SLC6A6: variants seen among roughly 807,000 people sequenced by gnomAD.
The protein encoded by SLC6A6 is sodium- and chloride-dependent taurine transporter.
SLC6A6 carries 16 observed loss-of-function variants against 68.8 expected under a neutral mutation model. The observed-to-expected ratio is 0.23, with a 90% CI of 0.16 to 0.35. The LOEUF (loss-of-function observed/expected upper bound fraction) is 0.35. Among genes scored for constraint, SLC6A6 ranks in the 10% least tolerant of loss-of-function variants. SLC6A6 has a pLI of 1.00. For missense variants in SLC6A6, 474 were observed against 802.8 expected, an observed-to-expected ratio of 0.59 and a Z score of 4.95; for synonymous variants, 312 against 315.4, an observed-to-expected ratio of 0.99 and a Z score of 0.12.
chr3:14,457,952 G>T lies in SLC6A6; in HGVS notation c.602G>T (p.Arg201Leu). 2 of 1,614,022 alleles carry T rather than the reference G, an allele frequency of 1.2e-6. No homozygotes were observed. The highest frequency in any genetic ancestry group is 1.7e-6 in the Non-Finnish European group (2 of 1,179,950). Residue 201 changes from arginine to leucine, a missense_variant and splice_region_variant, in exon 6 of 15, where the codon CGC becomes CTC. Around this residue, in one of 2 missense-constraint regions of SLC6A6, gnomAD observed 280 missense variants for 533.1 expected, o/e 0.53. Coordinates refer to ENST00000622186, the MANE Select transcript of SLC6A6 (RefSeq NM_003043.6). ...CCTGGCTCTGTGTTTGCTTCAAGGC[G>T]CAACGTGCTGAGCTTGTCCCCTGGA... ...FTSPVIEFWE[R>L]NVLSLSPGID...
At chr3:14,406,465 G>C (rs4684216) in intron 1 of SLC6A6, among the ~76,000 whole-genome samples, 127,813 of 152,088 alleles carry the variant, frequency 0.84, 54,681 homozygotes, top group South Asian at 0.91. Flanking sequence ...TCCAGGAGAC[G>C]GAGAGTCACC....
At chr3:14,454,167 A>G (rs549235020) in intron 5 of SLC6A6, among the ~76,000 whole-genome samples, 9 of 152,284 alleles carry the variant, frequency 5.9e-5, no homozygotes, top group Non-Finnish European at 1.3e-4. Context: ...GTGGCCTGAC[A>G]TAGGTATTGA....
At chr3:14,438,555 C>T (rs1028975994) in intron 2 of SLC6A6, among the ~76,000 whole-genome samples, 1 of 152,188 alleles carries the variant, frequency 6.6e-6, no homozygotes, top group Non-Finnish European at 1.5e-5. Context: ...TTTTCCCCAC[C>T]TGTAGAATGG....
intron 2 of SLC6A6, among the ~76,000 whole-genome samples, chr3:14,429,390 G>A (rs377286667): frequency 1.3e-4 from 20 of 152,320 alleles, no homozygotes; most frequent in Admixed American, 2.6e-4. Context: ...TCTCAAGTCC[G>A]GGATAAATGG....
At chr3:14,437,658 A>C (rs570181701) in intron 2 of SLC6A6, among the ~76,000 whole-genome samples, 9 of 152,218 alleles carry the variant, frequency 5.9e-5, no homozygotes, top group Admixed American at 5.2e-4. Flanking sequence ...TCAAGTATAC[A>C]ATATGTTATT....
intron 2 of SLC6A6, among the ~76,000 whole-genome samples, chr3:14,441,736 G>A (rs1699993648): frequency 6.6e-6 from 1 of 152,232 alleles, no homozygotes; most frequent in South Asian, 2.1e-4. Flanking sequence ...GCCTCACCCT[G>A]CCTGCAAGGC....
intron 1 of SLC6A6, among the ~76,000 whole-genome samples, chr3:14,410,153 T>C (rs974755284): frequency 1.5e-5 from 2 of 132,386 alleles, no homozygotes; most frequent in Admixed American, 1.8e-4. Flanking sequence ...CTCCATCCTA[T>C]GCGACAGAGT....
At chr3:14,404,168 T>C (rs985633105) in intron 1 of SLC6A6, among the ~76,000 whole-genome samples, 1 of 152,258 alleles carries the variant, frequency 6.6e-6, no homozygotes, top group African/African-American at 2.4e-5. Flanking sequence ...AGGAGATCTT[T>C]TTAAAATTTC....
rs115560562 is a variant in SLC6A6 at position 14,416,687 on chromosome 3, C to T, written c.-12+234C>T. Among the ~76,000 whole-genome samples, 483 of 152,354 alleles carry T rather than the reference C, an allele frequency of 3.2e-3. 3 individuals are homozygous for T. The highest frequency in any genetic ancestry group is 0.011 in the African/African-American group (459 of 41,584). ...CAGTCTGTGCCAGAGGGCACAGGGACGCCCTGCAAATGGGCCAAGCACTGG... is the reference window on the plus strand; with the variant it reads ...CAGTCTGTGCCAGAGGGCACAGGGATGCCCTGCAAATGGGCCAAGCACTGG... On this transcript the variant is annotated intron_variant, in intron 2 of 14. Transcript: ENST00000622186.
At chr3:14,413,850 T>C (rs545842107) in intron 1 of SLC6A6, among the ~76,000 whole-genome samples, 3 of 152,162 alleles carry the variant, frequency 2.0e-5, no homozygotes, top group Admixed American at 2.0e-4. Flanking sequence ...TGCATAAAAT[T>C]ACGCAGCAAG....
chr3:14,415,036 G>A (rs1235588838), intron 1 of SLC6A6, among the ~76,000 whole-genome samples: 1 of 152,198 alleles, frequency 6.6e-6, no homozygotes, highest in African/African-American at 2.4e-5. Flanking sequence ...CAAACCCACA[G>A]CAGACATCAC....
chr3:14,408,482 G>A (rs1574903031), intron 1 of SLC6A6, among the ~76,000 whole-genome samples: 2 of 151,608 alleles, frequency 1.3e-5, no homozygotes, highest in Admixed American at 6.6e-5. Context: ...CTACCGGCAC[G>A]TGCCATTATG....
intron 2 of SLC6A6, among the ~76,000 whole-genome samples, chr3:14,433,831 C>T: frequency 7.7e-6 from 1 of 130,426 alleles, no homozygotes; most frequent in African/African-American, 2.8e-5. Context: ...AAAAAAAAGT[C>T]ATAAGTACCT....
intron 1 of SLC6A6, among the ~76,000 whole-genome samples, chr3:14,410,095 A>G (rs1574905132): frequency 6.6e-6 from 1 of 150,576 alleles, no homozygotes; most frequent in African/African-American, 2.4e-5. Context: ...CTGAGGCAGG[A>G]GAATCACTTG....
intron 2 of SLC6A6, among the ~76,000 whole-genome samples, chr3:14,440,692 G>A (rs2124939435): frequency 6.6e-6 from 1 of 152,324 alleles, no homozygotes; most frequent in Middle Eastern, 3.4e-3. Context: ...TGAGGGGCCT[G>A]TAGCTCGTGG....
rs554191685 is a variant in SLC6A6 at position 14,435,660 on chromosome 3, G to A, written c.-11-7964G>A. On this transcript the variant is annotated intron_variant, in intron 2 of 14. Coordinates refer to ENST00000622186, the MANE Select transcript of SLC6A6 (RefSeq NM_003043.6). ...ACGAGCCCATTCTTCCCTTTGCCAC[G>A]GCCACCTTAGGTGACCTGGGGGCAA... 4.6e-5 allele frequency among the ~76,000 whole-genome samples: 7 copies of A among 152,286 alleles called. No individual in the cohort carries two copies. In the East Asian group the frequency reaches 1.4e-3, roughly 29 times the overall value.
chr3:14,467,594 A>G (rs1700650019), intron 7 of SLC6A6, among the ~76,000 whole-genome samples: 1 of 152,186 alleles, frequency 6.6e-6, no homozygotes, highest in South Asian at 2.1e-4. Context: ...CCAGGGTTGG[A>G]ATCCAGATCC....
chr3:14,476,237 C>T (rs1356184970), intron 10 of SLC6A6, among the ~76,000 whole-genome samples: 1 of 152,166 alleles, frequency 6.6e-6, no homozygotes, highest in African/African-American at 2.4e-5. Context: ...CAGATGCCTG[C>T]ACACAGGAGG....
chr3:14,438,738 A>G (rs1197772116), intron 2 of SLC6A6, among the ~76,000 whole-genome samples: 3 of 152,234 alleles, frequency 2.0e-5, no homozygotes, highest in South Asian at 2.1e-4. Flanking sequence ...GCAAAATAGG[A>G]AACAGACAAG....
Sources: gnomAD v4.1 joint callset for allele counts (sites outside exome capture counted in the v4.1 genomes callset) on GRCh38, gnomAD v4.1.1 for gene constraint, gnomAD v4.1.1 regional missense constraint, MANE v1.5 for transcripts, NCBI Gene and HGNC (gene_info 2026-07-23, HGNC 2026-07-21) for gene names.